The following CYTH4 variants were observed in gnomAD, a reference collection of about 807,000 sequenced individuals.
CYTH4 encodes the protein cytohesin-4.
In CYTH4, 22 loss-of-function variants were observed where a neutral mutation model predicts 57.5. The observed-to-expected ratio is 0.38, with a 90% CI of 0.27 to 0.55. CYTH4 has a LOEUF of 0.55. CYTH4 is among the 20% of genes least tolerant of loss of function. The probability of loss-of-function intolerance (pLI) is 0.74; values close to 1 mark genes in which losing one functional copy is unlikely to be tolerated. For missense variants in CYTH4, 420 were observed against 535.6 expected (o/e 0.78, Z 2.13); for synonymous variants, 186 against 206.5 (o/e 0.90, Z 0.85).
intron 1 of CYTH4, among the ~76,000 whole-genome samples, chr22:37,287,639 T>C (rs1231114751): frequency 1.3e-5 from 2 of 151,916 alleles, no homozygotes; most frequent in African/African-American, 4.8e-5. Flanking sequence ...TCCACACAGG[T>C]GGCCCCTTAC....
Position 37,282,542 on chromosome 22 carries a change from G to T in CYTH4, c.-28G>T, listed in dbSNP as rs374717375. ...CTGGGTCGGCAAGCGACAGGAGCAC[G>T]GGTCATCTTTTCCCCAGAGGCGTCG... On this transcript the variant is annotated 5_prime_UTR_variant, in exon 1 of 13. Transcript: ENST00000248901. 47 of 1,613,682 alleles carry T rather than the reference G, an allele frequency of 2.9e-5. No individual in the cohort carries two copies. The African/African-American group carries it at 6.0e-4, about 21-fold the overall frequency.
Position 37,312,038 on chromosome 22 carries a change from A to C in CYTH4, c.976A>C (p.Asn326His), listed in dbSNP as rs1419391613. The change falls in exon 12 of 13, where the codon AAC becomes CAC. Residue 326 changes from asparagine to histidine, a missense_variant. Asn to His is a moderately conservative substitution (Grantham distance 68). Coordinates refer to ENST00000248901, the MANE Select transcript of CYTH4 (RefSeq NM_013385.5). ...CCCACAGTTCTGCCTGGAGCTCTAC[A>C]ACCCTAGCTGCCGAGGCCAGAAAAT... Reference protein sequence around the residue: ...PKKPFCLELYNPSCRGQKIKA... With the variant: ...PKKPFCLELYHPSCRGQKIKA... 1 of 1,613,832 alleles carries C rather than the reference A, an allele frequency of 6.2e-7. No homozygotes were observed. The highest frequency in any genetic ancestry group is 1.1e-5 in the South Asian group (1 of 91,066).
rs370321897 is a variant in CYTH4 at position 37,303,763 on chromosome 22, G to T, written c.696+361G>T. Among the ~76,000 whole-genome samples, 5 of 152,298 alleles carry T rather than the reference G, an allele frequency of 3.3e-5. No homozygotes were observed. In the South Asian group the frequency reaches 8.3e-4, roughly 25 times the overall value. On this transcript the variant is annotated intron_variant, in intron 8 of 12. Coordinates refer to ENST00000248901, the MANE Select transcript of CYTH4 (RefSeq NM_013385.5). ...TAGAATAGAGATTCTTAGACGCTCAGCATGTCAGGCCTGAAAACCCTCAGA... is the reference window on the plus strand; with the variant it reads ...TAGAATAGAGATTCTTAGACGCTCATCATGTCAGGCCTGAAAACCCTCAGA...
At chr22:37,302,132 CA>C (rs1296579115) in intron 7 of CYTH4, 1 of 168,212 alleles carries the variant, frequency 5.9e-6, no homozygotes, top group East Asian at 1.9e-4. Flanking sequence ...TGTCCATGGA[CA>C]AACCTTCCAG....
At chr22:37,309,006 C>T (rs932441131) in intron 8 of CYTH4, among the ~76,000 whole-genome samples, 1 of 151,764 alleles carries the variant, frequency 6.6e-6, no homozygotes, top group African/African-American at 2.4e-5. Flanking sequence ...GGCGGGGTGG[C>T]AGGGTGGCAA....
intron 8 of CYTH4, among the ~76,000 whole-genome samples, chr22:37,308,947 G>A (rs931082017): frequency 2.0e-5 from 3 of 152,118 alleles, no homozygotes; most frequent in Admixed American, 6.5e-5. Flanking sequence ...ACCCCTGCTC[G>A]CTCTGCCCTG....
intron 1 of CYTH4, among the ~76,000 whole-genome samples, chr22:37,291,186 C>G (rs1371370116): frequency 6.6e-6 from 1 of 152,158 alleles, no homozygotes; most frequent in East Asian, 1.9e-4. Flanking sequence ...CCGAAACATT[C>G]TCAAAACTGA....
Position 37,314,218 on chromosome 22 carries a change from C to G in CYTH4, c.*707C>G, listed in dbSNP as rs547101956. ...AGAAACGTATTGGCCCCTGCTAGCC[C>G]TGTGCTCCAGCTTCCAGCTGGAGAT... On this transcript the variant is annotated 3_prime_UTR_variant, in exon 13 of 13. Coordinates refer to ENST00000248901, the MANE Select transcript of CYTH4 (RefSeq NM_013385.5). 1.0e-5 allele frequency: 4 copies of G among 397,644 alleles called. No homozygotes were observed. In the East Asian group the frequency reaches 1.1e-4, roughly 11 times the overall value. 24.6% of individuals were successfully genotyped at this position (397,644 alleles called of 1,614,324 possible). A position where few individuals can be genotyped will look rare whatever the true frequency, so the allele number is the denominator to read the frequency against.
At position 37,297,557 on chromosome 22, in the gene CYTH4, C is replaced by T. The variant is rs199693852; in HGVS notation, c.235-7C>T. ...AGCTGCTCACGGCTTCTGTGTACCC[C>T]CTCCAGGGTATCCAGTATTTCATTG... On this transcript the variant is annotated splice_polypyrimidine_tract_variant and splice_region_variant and intron_variant, in intron 4 of 12. Coordinates refer to ENST00000248901, the MANE Select transcript of CYTH4 (RefSeq NM_013385.5). The T allele has an allele frequency of 6.2e-7, 1 of 1,612,726 alleles. No homozygotes were observed. The highest frequency in any genetic ancestry group is 1.3e-5 in the African/African-American group (1 of 75,016).
intron 8 of CYTH4, among the ~76,000 whole-genome samples, chr22:37,307,483 G>A (rs1929444226): frequency 6.6e-6 from 1 of 152,144 alleles, no homozygotes; most frequent in South Asian, 2.1e-4. Flanking sequence ...AGAAACTGGT[G>A]CCTGCTCTTC....
At position 37,312,181 on chromosome 22, in the gene CYTH4, G is replaced by A. The variant is rs372196621; in HGVS notation, c.1112+7G>A. On this transcript the variant is annotated splice_region_variant and intron_variant, in intron 12 of 12. Coordinates refer to ENST00000248901, the MANE Select transcript of CYTH4 (RefSeq NM_013385.5). ...AGTGGATCGAGTCCATCCGGTAAGG[G>A]GTGCCCAGGTCTGGGGACGGCTTCC... is the stretch of plus-strand genomic sequence containing the variant. 4.2e-5 allele frequency: 67 copies of A among 1,612,510 alleles called. 1 individual carries two copies. In the East Asian group the frequency reaches 7.1e-4, roughly 17 times the overall value.
intron 8 of CYTH4, chr22:37,304,273 C>G (rs1929313266): frequency 4.4e-6 from 2 of 456,512 alleles, no homozygotes; most frequent in Admixed American, 2.3e-5. Flanking sequence ...GGAGAGGTGT[C>G]CAGTGTGGCC....
intron 8 of CYTH4, among the ~76,000 whole-genome samples, chr22:37,308,597 A>G (rs981847405): frequency 7.1e-6 from 1 of 141,346 alleles, no homozygotes; most frequent in Non-Finnish European, 1.5e-5. Flanking sequence ...TATGTGTCTG[A>G]GTGTGCATGT....
At chr22:37,297,539 C>T in intron 4 of CYTH4, 25 bp from the exon 5 acceptor site, 1 of 1,604,944 alleles carries the variant, frequency 6.2e-7, no homozygotes, top group Non-Finnish European at 8.5e-7. Context: ...AGCAGCTGCT[C>T]ACGGCTTCTG....
intron 2 of CYTH4, among the ~76,000 whole-genome samples, chr22:37,292,931 C>T (rs566633967): frequency 1.1e-4 from 16 of 152,142 alleles, no homozygotes; most frequent in Admixed American, 2.0e-4. Flanking sequence ...TCCAATTAGG[C>T]GCCCACCGTG....
In CYTH4 at chr22:37,303,409, G is replaced by A. The variant is rs769265920; in HGVS notation, c.696+7G>A. 10 of 1,612,026 alleles carry A rather than the reference G, an allele frequency of 6.2e-6. No individual in the cohort carries two copies. In the African/African-American group the frequency reaches 1.1e-4, roughly 17 times the overall value. ...GCCCGAGGACCAGCTGCGGGTGAGA[G>A]AGGCGCAGCCCACCCAGCCTGGCCC... On this transcript the variant is annotated splice_region_variant and intron_variant, in intron 8 of 12. Transcript: ENST00000248901.
rs113706078 is a variant in CYTH4, at chr22:37,298,949, C to T, written c.354-277C>T. Among the ~76,000 whole-genome samples the T allele has an allele frequency of 7.9e-5, 12 of 152,266 alleles. No homozygotes were observed. Among genetic ancestry groups the T allele is most frequent in the East Asian group, 3.9e-4 (2 of 5,170 alleles). ...GGAAGTTACAGGAAATGAGGAAGGC[C>T]TGGACTGAGGGCAAGGCCGCTCCAA... On this transcript the variant is annotated intron_variant, in intron 5 of 12. Coordinates refer to ENST00000248901, the MANE Select transcript of CYTH4 (RefSeq NM_013385.5). This position sits in a 1 kb window ranked among gnomAD's most constrained non-coding sequence, Gnocchi z 4.1.
chr22:37,288,583 CAA>C (rs35788749), intron 1 of CYTH4, among the ~76,000 whole-genome samples: 3 of 141,734 alleles, frequency 2.1e-5, no homozygotes, highest in African/African-American at 2.6e-5. Context: ...AAGACTGTCT[CAA>C]AAAAAAAAAA....
chr22:37,303,119 G>T, intron 7 of CYTH4, 135 bp from the exon 8 acceptor site: 1 of 1,301,706 alleles, frequency 7.7e-7, no homozygotes, highest in Non-Finnish European at 1.0e-6. Flanking sequence ...AGGAGGCTGG[G>T]CCTCAAAGCC....
Sources: gnomAD v4.1 joint callset for allele counts (sites outside exome capture counted in the v4.1 genomes callset) on GRCh38, gnomAD v4.1.1 for gene constraint, Gnocchi (gnomAD v3.1) non-coding constraint, MANE v1.5 for transcripts, NCBI Gene and HGNC (gene_info 2026-07-23, HGNC 2026-07-21) for gene names.